SMG1: variants seen among roughly 807,000 people sequenced by gnomAD.
SMG1 encodes SMG1 nonsense mediated mRNA decay associated PI3K related kinase.
Under a neutral mutation model 419.9 loss-of-function variants are expected in SMG1, and 22 were observed. That is an observed-to-expected ratio of 0.05 (90% CI 0.04 to 0.07). SMG1 has a LOEUF of 0.07. Ranked by LOEUF, SMG1 falls within the 10% of genes least tolerant of loss-of-function variation. The pLI is 1.00. For missense variants in SMG1, 3,185 were observed against 4,342.0 expected (o/e 0.73, Z 7.49); for synonymous variants, 1,538 against 1,553.5 (o/e 0.99, Z 0.23).
chr16:18,912,608 T>C (rs2037836820), intron 1 of SMG1, among the ~76,000 whole-genome samples: 1 of 152,100 alleles, frequency 6.6e-6, no homozygotes, highest in Admixed American at 6.5e-5. Flanking sequence ...TAGGCCACTT[T>C]AAATAAAAGG....
In SMG1 at chr16:18,809,329, G is replaced by T; in HGVS notation, c.*240C>A. On this transcript the variant is annotated 3_prime_UTR_variant, in exon 63 of 63. Transcript: ENST00000446231. The stretch of plus-strand genomic sequence containing the variant: ...GAAAGACAATCTCCGTGTTCAGGCG[G>T]TGAGCTTGCTTTCCTTCACCCTTGA... 1 of 509,056 alleles carries T rather than the reference G, an allele frequency of 2.0e-6. No individual in the cohort carries two copies. The highest frequency in any genetic ancestry group is 3.3e-5 in the Admixed American group (1 of 30,472). The allele number at this position is 509,056 out of a possible 1,614,324, so 31.5% of individuals were successfully genotyped here. A position where few individuals can be genotyped will look rare whatever the true frequency, so the allele number is the denominator to read the frequency against.
intron 26 of SMG1, 91 bp downstream of exon 26, chr16:18,860,576 T>C (rs1326956906): frequency 4.6e-6 from 3 of 645,286 alleles, no homozygotes. Flanking sequence ...AAATGTAAAA[T>C]AACTTCCAGA....
intron 1 of SMG1, chr16:18,925,332 T>G (rs1477611902): frequency 6.6e-6 from 1 of 152,076 alleles, no homozygotes; most frequent in African/African-American, 2.4e-5. Flanking sequence ...TTCACCAGAG[T>G]AACCGGCCTT....
chr16:18,885,796 T>A (rs2036586742), intron 6 of SMG1, 130 bp from the exon 7 acceptor site: 2 of 859,372 alleles, frequency 2.3e-6, no homozygotes, highest in Non-Finnish European at 3.5e-6. Flanking sequence ...TCTGTAGTTT[T>A]AGTTAAAAAA....
intron 5 of SMG1, among the ~76,000 whole-genome samples, chr16:18,890,400 G>A (rs1236060121): frequency 2.0e-5 from 3 of 152,182 alleles, no homozygotes; most frequent in African/African-American, 7.2e-5. Flanking sequence ...CACTTTGGGA[G>A]GCTAAGGTGG....
At chr16:18,868,000 G>A (rs1269984783) in intron 22 of SMG1, among the ~76,000 whole-genome samples, 190 bp downstream of exon 22, 23 of 152,052 alleles carry the variant, frequency 1.5e-4, no homozygotes, top group African/African-American at 4.6e-4. Context: ...GAGCCACCGC[G>A]CCCGGCCTAT....
intron 62 of SMG1, among the ~76,000 whole-genome samples, chr16:18,810,653 CA>C (rs1858320052): frequency 1.3e-5 from 2 of 152,078 alleles, no homozygotes; most frequent in African/African-American, 4.8e-5. Context: ...GTCGGAGGAA[CA>C]GGGGGTTCAG....
At chr16:18,894,881 G>A (rs960844141) in intron 3 of SMG1, among the ~76,000 whole-genome samples, 1 of 151,962 alleles carries the variant, frequency 6.6e-6, no homozygotes, top group African/African-American at 2.4e-5. Flanking sequence ...GCAGTGGCGC[G>A]ATCTAAGCTC....
chr16:18,849,715 C>T lies in SMG1; in HGVS notation c.5461+234G>A, dbSNP rs192250024. 2.6e-5 allele frequency among the ~76,000 whole-genome samples: 4 copies of T among 152,228 alleles called. No individual in the cohort carries two copies. The East Asian group carries it at 7.7e-4, about 29-fold the overall frequency. ...AAACCTTTTGAAAATTTTTCACCAC[C>T]CTCTCCAAAACTCATTTTGTATATA... On this transcript the variant is annotated intron_variant, in intron 35 of 62. Transcript: ENST00000446231.
At chr16:18,831,469 T>C (rs2033166928) in intron 51 of SMG1, among the ~76,000 whole-genome samples, 1 of 152,172 alleles carries the variant, frequency 6.6e-6, no homozygotes, top group Non-Finnish European at 1.5e-5. Context: ...TTAAGAGAGA[T>C]AAAATGAAGT....
At chr16:18,924,280 A>G (rs2038306518) in intron 1 of SMG1, among the ~76,000 whole-genome samples, 1 of 152,220 alleles carries the variant, frequency 6.6e-6, no homozygotes, top group African/African-American at 2.4e-5. Flanking sequence ...ATTTGGCTTC[A>G]TACCTGTCAG....
chr16:18,863,900 A>T, intron 24 of SMG1, 49 bp from the exon 25 acceptor site: 1 of 1,592,198 alleles, frequency 6.3e-7, no homozygotes, highest in Non-Finnish European at 8.6e-7. Flanking sequence ...ATCAGTTAGA[A>T]ATATTTCAAA....
chr16:18,851,956 A>G, intron 33 of SMG1, 111 bp downstream of exon 33: 1 of 1,151,990 alleles, frequency 8.7e-7, no homozygotes, highest in Non-Finnish European at 1.2e-6. Context: ...TTTTATTTAC[A>G]ACAACAATTG....
At chr16:18,914,201 GT>G (rs2037889104) in intron 1 of SMG1, among the ~76,000 whole-genome samples, 1 of 149,404 alleles carries the variant, frequency 6.7e-6, no homozygotes, top group Non-Finnish European at 1.5e-5. Context: ...TCTGAAAAAA[GT>G]TTTAAATAAT....
Position 18,845,582 on chromosome 16 carries a change from C to T in SMG1, c.6066G>A (p.Glu2022=). The T allele has an allele frequency of 6.2e-7, 1 of 1,613,770 alleles. No homozygotes were observed. The highest frequency in any genetic ancestry group is 8.5e-7 in the Non-Finnish European group (1 of 1,179,892). ...GAGCCGCTGTGATACTCCTCACATG[C>T]TCCAAAGCAAATACGATGGGCTTCA... ...ALMKPIVFAL[E]HVRSITAAPA... The change falls in exon 39 of 63, where the codon GAG becomes GAA. Residue 2022 remains glutamate (E), a synonymous_variant. Coordinates refer to ENST00000446231, the MANE Select transcript of SMG1 (RefSeq NM_015092.5).
At chr16:18,887,748 C>A (rs1483499352) in intron 6 of SMG1, among the ~76,000 whole-genome samples, 2 of 31,508 alleles carry the variant, frequency 6.3e-5, no homozygotes, top group Admixed American at 3.9e-4. Context: ...CAAAATAAAG[C>A]ATATCAAAAA....
Position 18,805,156 on chromosome 16 carries a change from CAAGT to C in SMG1, c.*4409_*4412del, listed in dbSNP as rs1028069156. The C allele has an allele frequency of 2.0e-5, 3 of 152,240 alleles. No homozygotes were observed. Among genetic ancestry groups the C allele is most frequent in the African/African-American group, 7.2e-5 (3 of 41,408 alleles). 9.4% of individuals were successfully genotyped at this position (152,240 alleles called of 1,614,324 possible). On this transcript the variant is annotated 3_prime_UTR_variant, in exon 63 of 63. Transcript: ENST00000446231. ...AGAATAAGGGTAAAAAGTAAATTAACAAGTAAGTGAAGTATGATGTTGTTGCCAC... is the reference window on the plus strand; with the variant it reads ...AGAATAAGGGTAAAAAGTAAATTAACAAGTGAAGTATGATGTTGTTGCCAC...
intron 7 of SMG1, 139 bp from the exon 8 acceptor site, chr16:18,885,301 G>C (rs1380531819): frequency 3.1e-6 from 2 of 637,446 alleles, no homozygotes; most frequent in Admixed American, 5.7e-5. Flanking sequence ...TTAGAAAGGG[G>C]AGAGGGGCAG....
At chr16:18,895,671 G>A (rs11642527) in intron 3 of SMG1, among the ~76,000 whole-genome samples, 46,326 of 149,552 alleles carry the variant, frequency 0.31, 7,886 homozygotes, top group Non-Finnish European at 0.39. Context: ...TCCTGCACAC[G>A]TACCCTGAAC....
Sources: allele counts gnomAD v4.1 joint callset (sites outside exome capture counted in the v4.1 genomes callset), GRCh38; gene constraint gnomAD v4.1.1; transcripts MANE v1.5; gene names NCBI Gene and HGNC (gene_info 2026-07-23, HGNC 2026-07-21).